PRKAG2: variants seen among roughly 807,000 people sequenced by gnomAD.
The protein encoded by PRKAG2 is 5'-AMP-activated protein kinase subunit gamma-2.
Under a neutral mutation model 69.6 loss-of-function variants are expected in PRKAG2, and 26 were observed. The ratio of observed to expected loss-of-function variants is 0.37; its 90% CI spans 0.27 to 0.52. The LOEUF (loss-of-function observed/expected upper bound fraction) is 0.52, where lower values mean the gene tolerates loss of function less well. Ranked by LOEUF, PRKAG2 falls within the 20% of genes least tolerant of loss-of-function variation. PRKAG2 has a pLI of 0.90. For synonymous variants in PRKAG2, 293 were observed against 285.0 expected (o/e 1.03, Z -0.28); for missense variants, 557 against 740.0 (o/e 0.75, Z 2.87).
At chr7:151,779,700 C>CTG (rs1391367238) in intron 3 of PRKAG2, among the ~76,000 whole-genome samples, 1 of 152,210 alleles carries the variant, frequency 6.6e-6, no homozygotes, top group African/African-American at 2.4e-5. Context: ...GGCAGGAATC[C>CTG]TGTCTTTTCA....
At chr7:151,841,863 G>C (rs1376081240) in intron 1 of PRKAG2, among the ~76,000 whole-genome samples, 3 of 149,720 alleles carry the variant, frequency 2.0e-5, no homozygotes, top group Middle Eastern at 3.5e-3. Flanking sequence ...AGTGATGGTA[G>C]GTAGGGATGG....
chr7:151,688,008 G>C (rs2151516559), intron 3 of PRKAG2, among the ~76,000 whole-genome samples: 1 of 139,604 alleles, frequency 7.2e-6, no homozygotes, highest in African/African-American at 2.6e-5. Context: ...GTTTGGAAGG[G>C]GAGGGAGGAG....
intron 5 of PRKAG2, among the ~76,000 whole-genome samples, chr7:151,605,462 C>G (rs1415329188): frequency 6.6e-6 from 1 of 151,782 alleles, no homozygotes; most frequent in Non-Finnish European, 1.5e-5. Context: ...TGGCTGGGTG[C>G]AGTGGCTCAC....
chr7:151,726,731 C>T (rs375325122), intron 3 of PRKAG2, among the ~76,000 whole-genome samples: 59 of 152,204 alleles, frequency 3.9e-4, no homozygotes, highest in Middle Eastern at 6.8e-3. Flanking sequence ...CAAAACCAGA[C>T]GATGCCAATC....
intron 3 of PRKAG2, among the ~76,000 whole-genome samples, chr7:151,683,612 T>C (rs1426185089): frequency 3.3e-5 from 5 of 152,166 alleles, no homozygotes; most frequent in Non-Finnish European, 7.3e-5. Context: ...GAGGCTTTGC[T>C]TATACAGGGT....
intron 6 of PRKAG2, among the ~76,000 whole-genome samples, chr7:151,590,145 C>T (rs11979989): frequency 0.18 from 27,634 of 152,032 alleles, 2,924 homozygotes; most frequent in African/African-American, 0.29. Flanking sequence ...GTGCCAGGGC[C>T]CACATGGCCA....
At chr7:151,766,416 AAC>A (rs2075736383) in intron 3 of PRKAG2, among the ~76,000 whole-genome samples, 1 of 152,222 alleles carries the variant, frequency 6.6e-6, no homozygotes, top group South Asian at 2.1e-4. Flanking sequence ...GTGAAGCTCA[AAC>A]ACAGTTCACT....
chr7:151,769,975 G>A (rs748774401), intron 3 of PRKAG2, among the ~76,000 whole-genome samples: 1 of 152,044 alleles, frequency 6.6e-6, no homozygotes, highest in African/African-American at 2.4e-5. Flanking sequence ...TCTTGGCCAC[G>A]GGGACCCCAG....
At chr7:151,590,844 T>C (rs1451308543) in intron 6 of PRKAG2, among the ~76,000 whole-genome samples, 2 of 152,232 alleles carry the variant, frequency 1.3e-5, no homozygotes, top group African/African-American at 2.4e-5. Flanking sequence ...CTGATTGCTA[T>C]GAGTGGTCTT....
chr7:151,556,865 C>A lies in PRKAG2; in HGVS notation c.*336G>T. ...CATAAGGCACTGTGATCTGAACATA[C>A]CGTGCACTCACCTTATGCCACATCA... On this transcript the variant is annotated 3_prime_UTR_variant, in exon 16 of 16. Coordinates refer to ENST00000287878, the MANE Select transcript of PRKAG2 (RefSeq NM_016203.4). The A allele has an allele frequency of 5.3e-6, 2 of 377,994 alleles. No homozygotes were observed. The highest frequency in any genetic ancestry group is 4.6e-5 in the South Asian group (2 of 43,390). The allele number at this position is 377,994 out of a possible 1,614,324, so 23.4% of individuals were successfully genotyped here.
intron 3 of PRKAG2, among the ~76,000 whole-genome samples, chr7:151,704,785 C>T (rs1351943142): frequency 6.6e-6 from 1 of 152,182 alleles, no homozygotes; most frequent in South Asian, 2.1e-4. Context: ...CTCTGCCTCC[C>T]GGGGCGCCAC....
At chr7:151,823,132 G>T (rs1361803252) in intron 1 of PRKAG2, among the ~76,000 whole-genome samples, 2 of 149,750 alleles carry the variant, frequency 1.3e-5, no homozygotes, top group Non-Finnish European at 3.0e-5. Context: ...GCCGGACTCT[G>T]CCAGGCGTGG....
intron 4 of PRKAG2, among the ~76,000 whole-genome samples, chr7:151,669,908 A>ACACACC (rs1425109995): frequency 8.0e-5 from 12 of 150,470 alleles, no homozygotes; most frequent in African/African-American, 2.9e-4. Flanking sequence ...CTGCATGCAC[A>ACACACC]TACCTGCATG....
intron 3 of PRKAG2, among the ~76,000 whole-genome samples, chr7:151,724,400 G>T (rs546879375): frequency 6.6e-6 from 1 of 152,092 alleles, no homozygotes; most frequent in South Asian, 2.1e-4. Flanking sequence ...AGAGTCTGTC[G>T]GCCCTGCTGT....
chr7:151,731,535 T>TGTGTGTGTGCGC (rs10689682), intron 3 of PRKAG2, among the ~76,000 whole-genome samples: 3,654 of 151,688 alleles, frequency 0.024, 140 homozygotes, highest in African/African-American at 0.084. Context: ...TGTGTGTGTG[T>TGTGTGTGTGCGC]GCGCACAGGT....
rs1365324287 is a variant in PRKAG2, at chr7:151,849,129, G to C, written c.114+27378C>G. Among the ~76,000 whole-genome samples, 4 of 152,290 alleles carry C rather than the reference G, an allele frequency of 2.6e-5. No homozygotes were observed. In the East Asian group the frequency reaches 5.8e-4, roughly 22 times the overall value. On this transcript the variant is annotated intron_variant, in intron 1 of 15. Transcript: ENST00000287878. ...AATACAGGGGCGTGGTGGAGACCTC[G>C]AGAATTCTAACCGTGTTGGGGAAAC...
chr7:151,693,687 C>A (rs530709389), intron 3 of PRKAG2, among the ~76,000 whole-genome samples: 1 of 152,242 alleles, frequency 6.6e-6, no homozygotes, highest in South Asian at 2.1e-4. Context: ...GTTAGGAGGC[C>A]GGGCCTTGGG....
At chr7:151,685,606 C>T (rs984453253) in intron 3 of PRKAG2, among the ~76,000 whole-genome samples, 6 of 151,862 alleles carry the variant, frequency 4.0e-5, no homozygotes, top group African/African-American at 9.7e-5. Context: ...CCCATTTCTA[C>T]AAAAAATAAA....
At chr7:151,587,568 G>A (rs1811991266) in intron 6 of PRKAG2, among the ~76,000 whole-genome samples, 2 of 152,198 alleles carry the variant, frequency 1.3e-5, no homozygotes, top group African/African-American at 4.8e-5. Context: ...CCTGGAGACG[G>A]TATGATGAAA....
Sources: allele counts gnomAD v4.1 joint callset (sites outside exome capture counted in the v4.1 genomes callset), GRCh38; gene constraint gnomAD v4.1.1; transcripts MANE v1.5; gene names NCBI Gene and HGNC (gene_info 2026-07-23, HGNC 2026-07-21).